The following DCTN2 variants were observed in gnomAD, a reference collection of about 807,000 sequenced individuals.
The protein encoded by DCTN2 is dynactin subunit 2.
Under a neutral mutation model 55.4 loss-of-function variants are expected in DCTN2, and 18 were observed. That is an observed-to-expected ratio of 0.32 (90% CI 0.22 to 0.48). The LOEUF is 0.48. Ranked by LOEUF, DCTN2 falls within the 20% of genes least tolerant of loss-of-function variation. The pLI is 0.99. For synonymous variants in DCTN2, 168 were observed against 185.2 expected, an observed-to-expected ratio of 0.91 and a Z score of 0.76; for missense variants, 390 against 491.0, an observed-to-expected ratio of 0.79 and a Z score of 1.94.
At chr12:57,538,769 C>T (rs548764584) in intron 2 of DCTN2, among the ~76,000 whole-genome samples, 1 of 152,294 alleles carries the variant, frequency 6.6e-6, no homozygotes, top group East Asian at 1.9e-4. Context: ...AGACCCTTTT[C>T]CCTCTGGTGG....
rs762860403 is a variant in DCTN2, at chr12:57,535,723, C to A, written c.202+26G>T. On this transcript the variant is annotated intron_variant, in intron 3 of 13. Transcript: ENST00000548249. ...TCATGCTTATCCTCCAGTCTTCCCC[C>A]CACCCAGCTTCCAGCCCAGTCTCAC... 2.7e-5 allele frequency: 43 copies of A among 1,596,666 alleles called. No individual in the cohort carries two copies. In the South Asian group the frequency reaches 4.6e-4, roughly 17 times the overall value.
At chr12:57,532,848 AAGGCAGACTAGCAAG>A (rs1400390830) in intron 9 of DCTN2, 38 bp from the exon 10 acceptor site, 9 of 1,612,254 alleles carry the variant, frequency 5.6e-6, no homozygotes, top group African/African-American at 1.3e-5. Flanking sequence ...ATGAAGAGGA[AAGGCAGACTAGCAAG>A]AGGCCTCCCA....
chr12:57,534,331 G>A lies in DCTN2; in HGVS notation c.485C>T (p.Ala162Val), dbSNP rs756158601. ...ATCGGGGTCGGTAAGGTTGATTGCA[G>A]CATCTGGTCCCAGCAGCTTCTCCAG... ...SHLEKLLGPD[A>V]AINLTDPDGA... The change falls in exon 6 of 14, where the codon GCT becomes GTT. Residue 162 changes from alanine to valine, a missense_variant. Transcript: ENST00000548249. 3 of 1,607,820 alleles carry A rather than the reference G, an allele frequency of 1.9e-6. No individual in the cohort carries two copies. The African/African-American group carries it at 4.0e-5, about 22-fold the overall frequency.
rs758205302 is a variant in DCTN2, at chr12:57,533,943, C to T, written c.669+10G>A. 1.0e-5 allele frequency: 16 copies of T among 1,601,758 alleles called. No individual in the cohort carries two copies. In the South Asian group the frequency reaches 1.8e-4, roughly 18 times the overall value. On this transcript the variant is annotated intron_variant, in intron 7 of 13. Coordinates refer to ENST00000548249, the MANE Select transcript of DCTN2 (RefSeq NM_001261413.2). ...CTTGGCTTCCCAACCAACACTGTAT[C>T]CACACTTACTTTGGCAGCTTGAGAG...
In DCTN2 at chr12:57,535,756, C is replaced by T; in HGVS notation, c.195G>A (p.Lys65=). ...CTTCCAGCCCAGTCTCACCAAGTCC[C>T]TTTGTCCCCACTCTCTTGTCCTTGA... ...DKFKDKRVGT[K]GLDFSDRIGK... The change falls in exon 3 of 14, where the codon AAG becomes AAA. Residue 65 remains lysine (K), a synonymous_variant. Coordinates refer to ENST00000548249, the MANE Select transcript of DCTN2 (RefSeq NM_001261413.2). 1 of 1,613,696 alleles carries T rather than the reference C, an allele frequency of 6.2e-7. No homozygotes were observed.
Position 57,535,169 on chromosome 12 carries a change from C to T in DCTN2, c.265-15G>A, listed in dbSNP as rs556490170. On this transcript the variant is annotated splice_polypyrimidine_tract_variant and intron_variant, in intron 4 of 13. Transcript: ENST00000548249. ...CCCTCTCCAAGCTAGAGAGCAGGCACAGAGGGTAATGTTATATGTCTCATT... is the reference window on the plus strand; with the variant it reads ...CCCTCTCCAAGCTAGAGAGCAGGCATAGAGGGTAATGTTATATGTCTCATT... 3 of 1,600,538 alleles carry T rather than the reference C, an allele frequency of 1.9e-6. No individual in the cohort carries two copies. Among genetic ancestry groups the T allele is most frequent in the African/African-American group, 1.3e-5 (1 of 74,458 alleles).
At chr12:57,539,101 AG>A (rs1432965271) in intron 2 of DCTN2, among the ~76,000 whole-genome samples, 3 of 152,238 alleles carry the variant, frequency 2.0e-5, no homozygotes, top group African/African-American at 7.2e-5. Flanking sequence ...GTGATCAGGT[AG>A]GAAGTCTGAT....
intron 7 of DCTN2, among the ~76,000 whole-genome samples, 165 bp downstream of exon 7, chr12:57,533,788 A>G (rs1218249597): frequency 5.3e-5 from 8 of 150,998 alleles, no homozygotes; most frequent in Non-Finnish European, 5.9e-5. Flanking sequence ...AAAAAAAAAG[A>G]AAGAAACATA....
At chr12:57,542,654 C>T (rs1046045430) in intron 2 of DCTN2, among the ~76,000 whole-genome samples, 1 of 152,120 alleles carries the variant, frequency 6.6e-6, no homozygotes, top group Non-Finnish European at 1.5e-5. Context: ...CCCATCTCTA[C>T]TAAAAATACA....
At chr12:57,542,974 A>C (rs1012117867) in intron 2 of DCTN2, 3 of 455,964 alleles carry the variant, frequency 6.6e-6, no homozygotes, top group Non-Finnish European at 1.3e-5. Context: ...CTGTGCATAC[A>C]TTACCTACTT....
intron 2 of DCTN2, among the ~76,000 whole-genome samples, chr12:57,544,948 C>G (rs1425737731): frequency 6.6e-6 from 1 of 152,162 alleles, no homozygotes. Flanking sequence ...AAGGAACACA[C>G]CACTGGGAGA....
At position 57,542,206 on chromosome 12, in the gene DCTN2, G is replaced by A. The variant is rs1459471188; in HGVS notation, c.105+3822C>T. ...CAGGAGAATCTCTTGAACTCGGGAG[G>A]TGGAGGTTACAGTGAGCTGAGATCA... On this transcript the variant is annotated intron_variant, in intron 2 of 13. Coordinates refer to ENST00000548249, the MANE Select transcript of DCTN2 (RefSeq NM_001261413.2). Among the ~76,000 whole-genome samples, 4 of 151,886 alleles carry A rather than the reference G, an allele frequency of 2.6e-5. No homozygotes were observed. In the East Asian group the frequency reaches 5.8e-4, roughly 22 times the overall value.
rs1880133626 is a variant in DCTN2 at position 57,535,258 on chromosome 12, G to A, written c.265-104C>T. 7 of 1,053,952 alleles carry A rather than the reference G, an allele frequency of 6.6e-6. No homozygotes were observed. In the South Asian group the frequency reaches 9.1e-5, roughly 14 times the overall value. 65.3% of individuals were successfully genotyped at this position (1,053,952 alleles called of 1,614,324 possible). A position where few individuals can be genotyped will look rare whatever the true frequency, so the allele number is the denominator to read the frequency against. Reference sequence around the variant, plus strand: ...AGTCATAAAGGTATCATATCCAATTGAGAATCCACAACACCCTAGTACCAA... The same window carrying A: ...AGTCATAAAGGTATCATATCCAATTAAGAATCCACAACACCCTAGTACCAA... On this transcript the variant is annotated intron_variant, in intron 4 of 13. Coordinates refer to ENST00000548249, the MANE Select transcript of DCTN2 (RefSeq NM_001261413.2).
intron 2 of DCTN2, chr12:57,541,279 TACA>T: frequency 1.3e-6 from 2 of 1,532,144 alleles, no homozygotes; most frequent in Non-Finnish European, 1.8e-6. Flanking sequence ...AACGATTAGC[TACA>T]ACAATAGCAC....
intron 5 of DCTN2, 137 bp from the exon 6 acceptor site, chr12:57,534,589 T>G: frequency 1.3e-6 from 1 of 789,132 alleles, no homozygotes; most frequent in Non-Finnish European, 2.0e-6. Context: ...CCCACCTGTA[T>G]GTAGCACTGC....
rs1383039659 is a variant in DCTN2, at chr12:57,530,643, T to C, written c.*46A>G. On this transcript the variant is annotated 3_prime_UTR_variant, in exon 14 of 14. Transcript: ENST00000548249. ...AACCCTATGTAAGCTGTTAACAGAG[T>C]TCACAGGGGTAGGGATAACCCCTGT... is the stretch of plus-strand genomic sequence containing the variant. The C allele has an allele frequency of 6.6e-7, 1 of 1,509,846 alleles. No homozygotes were observed. Among genetic ancestry groups the C allele is most frequent in the African/African-American group, 1.4e-5 (1 of 72,722 alleles). The allele number at this position is 1,509,846 out of a possible 1,614,324, so 93.5% of individuals were successfully genotyped here. A position where few individuals can be genotyped will look rare whatever the true frequency, so the allele number is the denominator to read the frequency against.
At position 57,530,359 on chromosome 12, in the gene DCTN2, G is replaced by A. The variant is rs1279295710; in HGVS notation, c.*330C>T. 3.6e-6 allele frequency: 1 copy of A among 280,170 alleles called. No homozygotes were observed. Among genetic ancestry groups the A allele is most frequent in the Non-Finnish European group, 6.9e-6 (1 of 144,826 alleles). The allele number at this position is 280,170 out of a possible 1,614,324, so 17.4% of individuals were successfully genotyped here. ...TCAGAAACAGTTGTACAGTATTACAGTCAGCCACAGAAGCTGTGTTGGGGG... is the reference window on the plus strand; with the variant it reads ...TCAGAAACAGTTGTACAGTATTACAATCAGCCACAGAAGCTGTGTTGGGGG... On this transcript the variant is annotated 3_prime_UTR_variant, in exon 14 of 14. Transcript: ENST00000548249.
At chr12:57,538,600 G>GA (rs60516272) in intron 2 of DCTN2, 15 of 703,890 alleles carry the variant, frequency 2.1e-5, no homozygotes, top group Non-Finnish European at 3.1e-5. Flanking sequence ...ATGAGGGAGG[G>GA]AAAAAAAAGA....
chr12:57,538,181 T>C, intron 2 of DCTN2: 1 of 416,640 alleles, frequency 2.4e-6, no homozygotes. Flanking sequence ...TCTCAGAGGT[T>C]CTGGACAGTC....
Sources: gnomAD v4.1 joint callset for allele counts (sites outside exome capture counted in the v4.1 genomes callset) on GRCh38, gnomAD v4.1.1 for gene constraint, MANE v1.5 for transcripts, NCBI Gene and HGNC (gene_info 2026-07-23, HGNC 2026-07-21) for gene names.